Variants in RBMS1 observed in about 807,000 individuals in gnomAD.
RBMS1 encodes the protein RNA binding motif single stranded interacting protein 1.
A neutral mutation model predicts 62.3 loss-of-function variants in RBMS1; 17 were observed. The ratio of observed to expected loss-of-function variants is 0.27; its 90% CI spans 0.19 to 0.41. The LOEUF (loss-of-function observed/expected upper bound fraction) is 0.41, where lower values mean the gene tolerates loss of function less well. Among genes scored for constraint, RBMS1 ranks in the 10% least tolerant of loss-of-function variants. RBMS1 has a pLI of 1.00. For synonymous variants in RBMS1, 172 were observed against 170.0 expected (o/e 1.01, Z -0.09); for missense variants, 334 against 504.5 (o/e 0.66, Z 3.24).
intron 1 of RBMS1, 77 bp downstream of exon 1, chr2:160,493,212 C>A: frequency 7.1e-7 from 1 of 1,398,842 alleles, no homozygotes; most frequent in African/African-American, 1.4e-5. Flanking sequence ...GCCGCGCGCC[C>A]CCCTCCCCAG....
intron 1 of RBMS1, among the ~76,000 whole-genome samples, chr2:160,377,210 A>T (rs1394519144): frequency 6.6e-6 from 1 of 152,200 alleles, no homozygotes; most frequent in Non-Finnish European, 1.5e-5. Context: ...GTTTTGTGAA[A>T]CAATATTTTC....
intron 1 of RBMS1, among the ~76,000 whole-genome samples, chr2:160,463,526 A>AT (rs1156876280): frequency 2.6e-5 from 4 of 152,202 alleles, no homozygotes; most frequent in Non-Finnish European, 4.4e-5. Flanking sequence ...GCTCAGGCCT[A>AT]TAATCCCAGC....
chr2:160,361,761 T>C (rs1027348000), intron 2 of RBMS1, among the ~76,000 whole-genome samples: 2 of 152,196 alleles, frequency 1.3e-5, no homozygotes, highest in South Asian at 2.1e-4. Flanking sequence ...AAGGCTGCAG[T>C]GCACTACAAT....
At chr2:160,328,819 C>T (rs1429875344) in intron 2 of RBMS1, among the ~76,000 whole-genome samples, 1 of 152,168 alleles carries the variant, frequency 6.6e-6, no homozygotes, top group Non-Finnish European at 1.5e-5. Context: ...ATCTTACACA[C>T]ACATACACAA....
chr2:160,481,407 TAAAC>T (rs1685367375), intron 1 of RBMS1, among the ~76,000 whole-genome samples: 2 of 151,316 alleles, frequency 1.3e-5, no homozygotes, highest in East Asian at 1.9e-4. Flanking sequence ...GCAGATTTCT[TAAAC>T]AGACACGAAA....
chr2:160,405,465 A>C (rs114844635), intron 1 of RBMS1, among the ~76,000 whole-genome samples: 142 of 152,320 alleles, frequency 9.3e-4, no homozygotes, highest in Non-Finnish European at 1.1e-3. Flanking sequence ...CTAAGCCAGG[A>C]TGAGATCACA....
At chr2:160,286,303 CTTTTTTTTTTTTTTTTA>C (rs1288722026) in intron 7 of RBMS1, among the ~76,000 whole-genome samples, 1 of 122,466 alleles carries the variant, frequency 8.2e-6, no homozygotes, top group Non-Finnish European at 1.8e-5. Flanking sequence ...TTCTTCCTTT[CTTTTTTTTTTTTTTTTA>C]TTTTGTTTTT....
In RBMS1 at chr2:160,311,209, A is replaced by AATCTATCT. The variant is rs756246053; in HGVS notation, c.402+1939_402+1946dup. 8.7e-3 allele frequency among the ~76,000 whole-genome samples: 504 copies of AATCTATCT among 57,710 alleles called. 7 individuals are homozygous for AATCTATCT. Among genetic ancestry groups the AATCTATCT allele is most frequent in the African/African-American group, 0.02 (429 of 21,252 alleles). The allele number at this position is 57,710 out of a possible 152,430, so 37.9% of individuals were successfully genotyped here. A position where few individuals can be genotyped will look rare whatever the true frequency, so the allele number is the denominator to read the frequency against. On this transcript the variant is annotated intron_variant, in intron 4 of 13. Transcript: ENST00000348849. ...GACCCTGTCTCCAAAAAAAAAAAAAAATCTATCTATCTATCTATCTATCTA... is the reference window on the plus strand; with the variant it reads ...GACCCTGTCTCCAAAAAAAAAAAAAAATCTATCTATCTATCTATCTATCTATCTATCTA...
intron 1 of RBMS1, among the ~76,000 whole-genome samples, chr2:160,415,661 T>C (rs1308896702): frequency 6.6e-6 from 1 of 152,168 alleles, no homozygotes; most frequent in Non-Finnish European, 1.5e-5. Flanking sequence ...CAAAAGGTTA[T>C]TTAATAAGAA....
intron 2 of RBMS1, among the ~76,000 whole-genome samples, chr2:160,356,601 G>A (rs1052314679): frequency 2.0e-5 from 3 of 152,068 alleles, no homozygotes; most frequent in African/African-American, 7.2e-5. Context: ...ATTATCCTAA[G>A]CAATAAGAAA....
intron 1 of RBMS1, among the ~76,000 whole-genome samples, chr2:160,399,543 C>T (rs1280806558): frequency 2.0e-5 from 3 of 150,638 alleles, no homozygotes; most frequent in Non-Finnish European, 1.5e-5. Flanking sequence ...TTTTTTAAAT[C>T]ACTTACACCT....
intron 2 of RBMS1, among the ~76,000 whole-genome samples, chr2:160,346,570 G>A (rs563892575): frequency 5.3e-5 from 8 of 152,160 alleles, no homozygotes; most frequent in Admixed American, 1.3e-4. Context: ...TCCATCATCC[G>A]TCCACTCCTC....
intron 1 of RBMS1, among the ~76,000 whole-genome samples, chr2:160,376,507 GTTTC>G (rs777364887): frequency 1.6e-4 from 25 of 151,758 alleles, no homozygotes; most frequent in South Asian, 4.1e-4. Context: ...GTCTACTTTT[GTTTC>G]TTTCTCATGG....
At chr2:160,427,949 CTT>C (rs1323864173) in intron 1 of RBMS1, among the ~76,000 whole-genome samples, 2 of 152,110 alleles carry the variant, frequency 1.3e-5, no homozygotes, top group Admixed American at 6.6e-5. Flanking sequence ...TGCAAATTCA[CTT>C]TCATTATTTC....
intron 1 of RBMS1, chr2:160,432,568 T>C (rs769254618): frequency 1.1e-4 from 16 of 152,226 alleles, no homozygotes; most frequent in Non-Finnish European, 2.1e-4. Context: ...CTATTAGAAC[T>C]GTGTGAAAAC....
At chr2:160,456,713 A>G in intron 1 of RBMS1, among the ~76,000 whole-genome samples, 1 of 152,192 alleles carries the variant, frequency 6.6e-6, no homozygotes, top group East Asian at 1.9e-4. Flanking sequence ...CCTATTTCTT[A>G]TATTTTGACT....
chr2:160,367,534 T>C, intron 1 of RBMS1, 143 bp from the exon 2 acceptor site: 1 of 1,370,526 alleles, frequency 7.3e-7, no homozygotes, highest in Non-Finnish European at 9.5e-7. Flanking sequence ...AAAAGGTCTG[T>C]TCATGCTACT....
chr2:160,351,165 G>A (rs1338543821), intron 2 of RBMS1, among the ~76,000 whole-genome samples: 4 of 150,698 alleles, frequency 2.7e-5, no homozygotes, highest in Admixed American at 6.6e-5. Flanking sequence ...ACCACACACC[G>A]GGGCCTGTCG....
chr2:160,373,020 C>G lies in RBMS1; in HGVS notation c.76-5629G>C, dbSNP rs977782797. 4.9e-4 allele frequency among the ~76,000 whole-genome samples: 75 copies of G among 152,120 alleles called. 1 individual carries two copies. Among genetic ancestry groups the G allele is most frequent in the Non-Finnish European group, 5.9e-5 (4 of 68,024 alleles). ...ACAAGGATATCAAAGCTTAAAATCA[C>G]ATAGCTAATTAGTTAATGAAACTGG... On this transcript the variant is annotated intron_variant, in intron 1 of 13. Coordinates refer to ENST00000348849, the MANE Select transcript of RBMS1 (RefSeq NM_016836.4).
Sources: gnomAD v4.1 joint callset for allele counts (sites outside exome capture counted in the v4.1 genomes callset) on GRCh38, gnomAD v4.1.1 for gene constraint, MANE v1.5 for transcripts, NCBI Gene and HGNC (gene_info 2026-07-23, HGNC 2026-07-21) for gene names.